The following CSMD1 variants were observed in gnomAD, a reference collection of about 807,000 sequenced individuals.
The protein encoded by CSMD1 is CUB and Sushi multiple domains 1.
In CSMD1, 213 loss-of-function variants were observed where a neutral mutation model predicts 417.5. The observed-to-expected ratio is 0.51, with a 90% CI of 0.46 to 0.57. The LOEUF is 0.57. Ranked by LOEUF, CSMD1 falls within the 20% of genes least tolerant of loss-of-function variation. CSMD1 has a pLI of 0.00. For synonymous variants in CSMD1, 2,862 were observed against 1,736.8 expected (o/e 1.65, Z -16.11); for missense variants, 6,923 against 4,529.7 (o/e 1.53, Z -15.17).
intron 8 of CSMD1, among the ~76,000 whole-genome samples, chr8:3,603,299 G>A (rs1801450483): frequency 6.6e-6 from 1 of 151,810 alleles, no homozygotes; most frequent in African/African-American, 2.4e-5. Flanking sequence ...TCAGTTACAG[G>A]CATAGGAATA....
chr8:4,822,112 C>A (rs1165634383), intron 1 of CSMD1, among the ~76,000 whole-genome samples: 3 of 152,136 alleles, frequency 2.0e-5, no homozygotes, highest in Non-Finnish European at 2.9e-5. Flanking sequence ...CATTCACATG[C>A]TTCCTATCTT....
rs191646038 is a variant in CSMD1, at chr8:4,848,997, G to C, written c.85+145335C>G. Among the ~76,000 whole-genome samples, 84 of 152,256 alleles carry C rather than the reference G, an allele frequency of 5.5e-4. 1 individual carries two copies. The highest frequency in any genetic ancestry group is 2.0e-3 in the African/African-American group (82 of 41,514). On this transcript the variant is annotated intron_variant, in intron 1 of 69. Transcript: ENST00000635120. The stretch of plus-strand genomic sequence containing the variant: ...CAGGCAGGTCCTTCAGGAAGTATTG[G>C]AGAATAAAGCGTTGTCATCCTAGGA...
At chr8:4,680,431 T>G (rs1191689635) in intron 1 of CSMD1, among the ~76,000 whole-genome samples, 2 of 152,244 alleles carry the variant, frequency 1.3e-5, no homozygotes, top group East Asian at 3.9e-4. Flanking sequence ...GAAACTACAT[T>G]GAGTGACGTA....
At chr8:4,336,254 C>T (rs1327820151) in intron 3 of CSMD1, among the ~76,000 whole-genome samples, 4 of 152,092 alleles carry the variant, frequency 2.6e-5, no homozygotes, top group Admixed American at 6.6e-5. Flanking sequence ...AGGTCTTGCT[C>T]GTCCAAAAAT....
chr8:4,869,807 TGTTA>T (rs1802629965), intron 1 of CSMD1, among the ~76,000 whole-genome samples: 1 of 152,110 alleles, frequency 6.6e-6, no homozygotes, highest in Non-Finnish European at 1.5e-5. Context: ...GTCTGCCTGA[TGTTA>T]ATTATGGCTG....
At chr8:3,853,952 A>G (rs1379442273) in intron 5 of CSMD1, among the ~76,000 whole-genome samples, 1 of 146,784 alleles carries the variant, frequency 6.8e-6, no homozygotes, top group Non-Finnish European at 1.5e-5. Context: ...ATAATATATT[A>G]ATATATTAAA....
intron 25 of CSMD1, among the ~76,000 whole-genome samples, chr8:3,299,241 C>A (rs1804199799): frequency 1.3e-5 from 2 of 152,178 alleles, no homozygotes; most frequent in East Asian, 1.9e-4. Context: ...CGCCTGAGGT[C>A]AGGAGTTCGA....
intron 2 of CSMD1, among the ~76,000 whole-genome samples, chr8:4,580,602 A>T (rs1799368346): frequency 6.6e-6 from 1 of 151,908 alleles, no homozygotes; most frequent in African/African-American, 2.4e-5. Context: ...CTCACCCATA[A>T]CTGCTCTCTC....
chr8:4,317,736 G>C (rs1799017583), intron 3 of CSMD1, among the ~76,000 whole-genome samples: 1 of 152,132 alleles, frequency 6.6e-6, no homozygotes, highest in African/African-American at 2.4e-5. Context: ...CTGAGTACAT[G>C]TCTGTACCAT....
At chr8:4,094,992 G>C (rs1214348837) in intron 3 of CSMD1, among the ~76,000 whole-genome samples, 1 of 152,160 alleles carries the variant, frequency 6.6e-6, no homozygotes, top group Non-Finnish European at 1.5e-5. Flanking sequence ...TATTATACAG[G>C]TGGACTAGAA....
chr8:3,247,011 C>T (rs1166348109), intron 26 of CSMD1, among the ~76,000 whole-genome samples: 5 of 152,086 alleles, frequency 3.3e-5, no homozygotes, highest in East Asian at 3.9e-4. Context: ...TTTGTGGATG[C>T]AAGTGAACCA....
chr8:4,820,905 C>A (rs1210340561), intron 1 of CSMD1, among the ~76,000 whole-genome samples: 2 of 152,176 alleles, frequency 1.3e-5, no homozygotes. Context: ...TTTCTCTTAA[C>A]TTGCAGATGT....
intron 4 of CSMD1, among the ~76,000 whole-genome samples, chr8:4,014,323 A>G (rs1316162764): frequency 1.3e-5 from 2 of 152,204 alleles, no homozygotes; most frequent in Admixed American, 1.3e-4. Flanking sequence ...AACATTCATC[A>G]CATTCAATTA....
At chr8:3,921,715 T>C (rs1162592695) in intron 5 of CSMD1, among the ~76,000 whole-genome samples, 1 of 152,184 alleles carries the variant, frequency 6.6e-6, no homozygotes, top group Non-Finnish European at 1.5e-5. Flanking sequence ...CTCTCCCTGA[T>C]TTTAGTTTCA....
At chr8:4,407,125 G>A (rs1050981739) in intron 3 of CSMD1, among the ~76,000 whole-genome samples, 2 of 152,174 alleles carry the variant, frequency 1.3e-5, no homozygotes, top group Admixed American at 1.3e-4. Flanking sequence ...AGTTACCACA[G>A]ACACCAGATG....
intron 5 of CSMD1, among the ~76,000 whole-genome samples, chr8:3,911,491 G>T (rs1212716605): frequency 6.7e-6 from 1 of 148,488 alleles, no homozygotes; most frequent in Non-Finnish European, 1.5e-5. Flanking sequence ...TTGCGCCACT[G>T]CACTCCAGCC....
At chr8:4,290,346 C>T (rs938893191) in intron 3 of CSMD1, among the ~76,000 whole-genome samples, 1 of 152,146 alleles carries the variant, frequency 6.6e-6, no homozygotes, top group Non-Finnish European at 1.5e-5. Context: ...CAGTAATGCT[C>T]TATGACATCT....
At position 4,896,543 on chromosome 8, in the gene CSMD1, A is replaced by G. The variant is rs1262217335; in HGVS notation, c.85+97789T>C. Among the ~76,000 whole-genome samples, 3 of 152,102 alleles carry G rather than the reference A, an allele frequency of 2.0e-5. No homozygotes were observed. The South Asian group carries it at 6.2e-4, about 31-fold the overall frequency. ...TCTGCTCTTTGCTTCATGTCTTCAG[A>G]TACTTCCTTCACCTAACCTTACACA... On this transcript the variant is annotated intron_variant, in intron 1 of 69. Coordinates refer to ENST00000635120, the MANE Select transcript of CSMD1 (RefSeq NM_033225.6).
intron 68 of CSMD1, among the ~76,000 whole-genome samples, chr8:2,948,100 T>C (rs1167947543): frequency 6.6e-6 from 1 of 152,076 alleles, no homozygotes; most frequent in Non-Finnish European, 1.5e-5. Flanking sequence ...TTCTTCTTTA[T>C]AGTAATACTG....
Sources: gnomAD v4.1 joint callset for allele counts (sites outside exome capture counted in the v4.1 genomes callset) on GRCh38, gnomAD v4.1.1 for gene constraint, MANE v1.5 for transcripts, NCBI Gene and HGNC (gene_info 2026-07-23, HGNC 2026-07-21) for gene names.